HLA-DRB5: variants seen among roughly 807,000 people sequenced by gnomAD.
HLA-DRB5 encodes the protein major histocompatibility complex, class II, DR beta 5.
Under a neutral mutation model 22.4 loss-of-function variants are expected in HLA-DRB5, and 11 were observed. That is an observed-to-expected ratio of 0.49 (90% CI 0.31 to 0.81). The LOEUF (loss-of-function observed/expected upper bound fraction) is 0.81, where lower values mean the gene tolerates loss of function less well. Among genes scored for constraint, HLA-DRB5 ranks in the 40% least tolerant of loss-of-function variants. HLA-DRB5 has a pLI of 0.05. For synonymous variants in HLA-DRB5, 57 were observed against 106.0 expected, an observed-to-expected ratio of 0.54 and a Z score of 2.84; for missense variants, 106 against 274.4, an observed-to-expected ratio of 0.39 and a Z score of 4.34.
In HLA-DRB5 at chr6:32,527,374, C is replaced by T. The variant is rs1194680764; in HGVS notation, c.100+2751G>A. On this transcript the variant is annotated intron_variant, in intron 1 of 5. Transcript: ENST00000374975. ...ATTAGCTGGGCGTGGTGGTGCACTC[C>T]TGTAATCCCAGCTACTTGGGAGGCT... 5.3e-5 allele frequency among the ~76,000 whole-genome samples: 2 copies of T among 37,560 alleles called. 1 individual carries two copies. Among genetic ancestry groups the T allele is most frequent in the Admixed American group, 7.1e-4 (2 of 2,824 alleles). 24.6% of individuals were successfully genotyped at this position (37,560 alleles called of 152,430 possible).
rs111501833 is a variant in HLA-DRB5 at position 32,518,768 on chromosome 6, T to G, written c.653-102A>C. ...CTTTGAAAATGGGGAAGAAGGCTGC[T>G]CTGTAAGAACTAAAATAACTAGCCA... On this transcript the variant is annotated intron_variant, in intron 3 of 5. Transcript: ENST00000374975. 3.1e-5 allele frequency: 10 copies of G among 319,572 alleles called. 3 individuals are homozygous for G. In the African/African-American group the frequency reaches 4.3e-4, roughly 14 times the overall value. The allele number at this position is 319,572 out of a possible 1,614,324, so 19.8% of individuals were successfully genotyped here. A position where few individuals can be genotyped will look rare whatever the true frequency, so the allele number is the denominator to read the frequency against.
intron 1 of HLA-DRB5, among the ~76,000 whole-genome samples, chr6:32,523,112 G>A (rs546744649): frequency 0.63 from 35,549 of 56,650 alleles, 13,956 homozygotes; most frequent in Middle Eastern, 0.79. Context: ...GCTAAAGACA[G>A]TGGGAAAGTA....
At chr6:32,529,071 C>T (rs796985052) in intron 1 of HLA-DRB5, among the ~76,000 whole-genome samples, 6,466 of 127,234 alleles carry the variant, frequency 0.051, no homozygotes, top group African/African-American at 0.056. Flanking sequence ...AAGAGGTAAG[C>T]AGACATGGCT....
intron 1 of HLA-DRB5, among the ~76,000 whole-genome samples, chr6:32,526,151 T>A (rs149930585): frequency 0.032 from 2,204 of 68,770 alleles, 3 homozygotes; most frequent in East Asian, 0.044. Flanking sequence ...GCTCTTCAAA[T>A]GGTCCAATCC....
Position 32,521,796 on chromosome 6 carries a change from C to G in HLA-DRB5, c.370+109G>C, listed in dbSNP as rs1363108371. 19 of 272,532 alleles carry G rather than the reference C, an allele frequency of 7.0e-5. 2 individuals carry two copies. The allele number at this position is 272,532 out of a possible 1,614,324, so 16.9% of individuals were successfully genotyped here. ...GATGGCGCGCTCCCTCTCTGTCTCT[C>G]TCTTCCTCTCTCTCTCACACACACA... On this transcript the variant is annotated intron_variant, in intron 2 of 5. Coordinates refer to ENST00000374975, the MANE Select transcript of HLA-DRB5 (RefSeq NM_002125.4).
chr6:32,524,264 C>A (rs116711613), intron 1 of HLA-DRB5, among the ~76,000 whole-genome samples: 61,311 of 110,122 alleles, frequency 0.56, 15,828 homozygotes, highest in Middle Eastern at 0.67. Context: ...CTAAGATTTA[C>A]TGATTTCCTT....
intron 1 of HLA-DRB5, among the ~76,000 whole-genome samples, chr6:32,523,733 A>C (rs1769240764): frequency 9.4e-6 from 1 of 106,602 alleles, no homozygotes; most frequent in East Asian, 2.4e-4. Flanking sequence ...AATTTATGCA[A>C]CTGTCTACTT....
At chr6:32,518,958 G>C (rs112395485) in intron 3 of HLA-DRB5, among the ~76,000 whole-genome samples, 615 of 78,774 alleles carry the variant, frequency 7.8e-3, no homozygotes, top group East Asian at 9.5e-3. Flanking sequence ...GAGTGACAGA[G>C]CTAATAAAAG....
At chr6:32,523,773 A>G (rs1769248882) in intron 1 of HLA-DRB5, among the ~76,000 whole-genome samples, 1 of 51,018 alleles carries the variant, frequency 2.0e-5, no homozygotes, top group Non-Finnish European at 4.0e-5. Flanking sequence ...AAAATAAACC[A>G]TAAAGAACTG....
At chr6:32,525,566 ACCT>A (rs1769503126) in intron 1 of HLA-DRB5, among the ~76,000 whole-genome samples, 1 of 117,310 alleles carries the variant, frequency 8.5e-6, no homozygotes, top group Non-Finnish European at 1.7e-5. Flanking sequence ...GTATACCTAA[ACCT>A]CACACAAAAG....
Position 32,523,110 on chromosome 6 carries a change from CA to C in HLA-DRB5, c.101-937del. On this transcript the variant is annotated intron_variant, in intron 1 of 5. Transcript: ENST00000374975. Reference sequence around the variant, plus strand: ...TAGGATCTGAGATTTATGCTAAAGACAGTGGGAAAGTATCAAAGAGATTTAA... The same window carrying C: ...TAGGATCTGAGATTTATGCTAAAGACGTGGGAAAGTATCAAAGAGATTTAA... 5.1e-5 allele frequency among the ~76,000 whole-genome samples: 2 copies of C among 39,272 alleles called. 1 individual carries two copies. Among genetic ancestry groups the C allele is most frequent in the Non-Finnish European group, 1.0e-4 (2 of 19,242 alleles). The allele number at this position is 39,272 out of a possible 152,430, so 25.8% of individuals were successfully genotyped here. A position where few individuals can be genotyped will look rare whatever the true frequency, so the allele number is the denominator to read the frequency against.
At chr6:32,525,896 ATGGG>A (rs1769553666) in intron 1 of HLA-DRB5, among the ~76,000 whole-genome samples, 1 of 63,134 alleles carries the variant, frequency 1.6e-5, no homozygotes, top group Non-Finnish European at 3.1e-5. Context: ...ACTAATAAAT[ATGGG>A]CTGTGTGAAA....
intron 1 of HLA-DRB5, among the ~76,000 whole-genome samples, chr6:32,526,052 C>T (rs368191464): frequency 0.062 from 3,574 of 57,632 alleles, 3 homozygotes; most frequent in East Asian, 0.083. Flanking sequence ...TCCTTTTGAT[C>T]CAGCTGGCTC....
intron 1 of HLA-DRB5, among the ~76,000 whole-genome samples, chr6:32,524,529 A>C (rs1769351943): frequency 1.1e-5 from 1 of 90,238 alleles, no homozygotes; most frequent in Non-Finnish European, 2.3e-5. Context: ...AAAGTCAGAA[A>C]CCAAGAAAAT....
chr6:32,521,951 G>T lies in HLA-DRB5; in HGVS notation c.324C>A (p.Cys108Ter). 1.3e-6 allele frequency: 2 copies of T among 1,536,492 alleles called. No homozygotes were observed. The highest frequency in any genetic ancestry group is 1.1e-5 in the South Asian group (1 of 88,272). ...EDRRAAVDTYCRHNYGVGESF... is the reference protein window; with the variant it reads ...EDRRAAVDTY ...TCTCACCAACCCCGTAGTTGTGTCT[G>T]CAGTAGGTGTCCACCGCGGCGCGCC... The change falls in exon 2 of 6, where the codon TGC becomes TGA. Residue 108 changes from cysteine to a stop codon, truncating the protein, a stop_gained. Coordinates refer to ENST00000374975, the MANE Select transcript of HLA-DRB5 (RefSeq NM_002125.4). LOFTEE classifies it high-confidence loss of function.
intron 1 of HLA-DRB5, among the ~76,000 whole-genome samples, 196 bp downstream of exon 1, chr6:32,529,929 C>T (rs1397018639): frequency 0.08 from 6,455 of 80,314 alleles, no homozygotes; most frequent in East Asian, 0.13. Flanking sequence ...ATGGAGGCCC[C>T]TTACACAGTC....
intron 1 of HLA-DRB5, among the ~76,000 whole-genome samples, chr6:32,526,308 A>G (rs76704763): frequency 8.7e-4 from 29 of 33,272 alleles, no homozygotes; most frequent in Admixed American, 2.0e-3. Context: ...AAAAAAATCT[A>G]TTTTTCTTGA....
At chr6:32,521,218 CAG>C (rs201009359) in intron 2 of HLA-DRB5, among the ~76,000 whole-genome samples, 20,420 of 41,524 alleles carry the variant, frequency 0.49, 6,525 homozygotes, top group Middle Eastern at 0.67. Flanking sequence ...AAAATAGTAA[CAG>C]TGTATTAAAA....
intron 1 of HLA-DRB5, among the ~76,000 whole-genome samples, chr6:32,524,359 AT>A (rs1416483498): frequency 1.1e-5 from 1 of 92,278 alleles, no homozygotes; most frequent in Non-Finnish European, 2.4e-5. Flanking sequence ...TCCACTAATT[AT>A]CTGTAGTAGT....
Sources: allele counts gnomAD v4.1 joint callset (sites outside exome capture counted in the v4.1 genomes callset), GRCh38; gene constraint gnomAD v4.1.1; transcripts MANE v1.5; gene names NCBI Gene and HGNC (gene_info 2026-07-23, HGNC 2026-07-21).